The following RGS7 variants were observed in gnomAD, a reference collection of about 807,000 sequenced individuals.
RGS7 encodes regulator of G-protein signaling 7.
RGS7 carries 27 observed loss-of-function variants against 81.1 expected under a neutral mutation model. The observed-to-expected ratio is 0.33, with a 90% CI of 0.25 to 0.46. The LOEUF is 0.46. RGS7 is among the 20% of genes least tolerant of loss of function. The pLI, the probability that RGS7 is intolerant of heterozygous loss-of-function variation, is 1.00. For missense variants in RGS7, 396 were observed against 607.4 expected (o/e 0.65, Z 3.66); for synonymous variants, 208 against 207.7 (o/e 1.00, Z -0.01).
chr1:241,260,324 A>T (rs975886951), intron 2 of RGS7, among the ~76,000 whole-genome samples: 3 of 152,248 alleles, frequency 2.0e-5, no homozygotes, highest in East Asian at 3.8e-4. Flanking sequence ...TGTCGGGCAC[A>T]GTCAAGGCAG....
At chr1:240,800,768 G>A (rs768736641) in intron 17 of RGS7, 47 bp from the exon 18 acceptor site, 2 of 1,206,920 alleles carry the variant, frequency 1.7e-6, no homozygotes. Context: ...CTTACACAAT[G>A]TCAGAAAGTT....
chr1:241,305,222 T>C (rs1167982783), intron 2 of RGS7, among the ~76,000 whole-genome samples: 2 of 152,230 alleles, frequency 1.3e-5, no homozygotes, highest in African/African-American at 4.8e-5. Flanking sequence ...CGCCACTGAT[T>C]AGTTTTCTCT....
chr1:240,993,136 A>C (rs1454453422), intron 3 of RGS7, among the ~76,000 whole-genome samples: 3 of 142,524 alleles, frequency 2.1e-5, no homozygotes, highest in African/African-American at 7.9e-5. Flanking sequence ...GGAAGGAAGG[A>C]GGAAAGGAAA....
At chr1:241,118,540 G>T (rs1489971796) in intron 2 of RGS7, among the ~76,000 whole-genome samples, 1 of 151,972 alleles carries the variant, frequency 6.6e-6, no homozygotes, top group Admixed American at 6.6e-5. Context: ...TCCTACTACT[G>T]GGTATTTACC....
intron 2 of RGS7, among the ~76,000 whole-genome samples, chr1:241,337,276 C>T (rs910674420): frequency 1.3e-5 from 2 of 152,168 alleles, no homozygotes; most frequent in African/African-American, 4.8e-5. Flanking sequence ...TTAGTTCAAA[C>T]ATACTCATTT....
At chr1:240,998,844 A>T in intron 3 of RGS7, 1 of 530,946 alleles carries the variant, frequency 1.9e-6, no homozygotes, top group South Asian at 1.6e-5. Context: ...TGGACCGAGC[A>T]CCTTGGTGGC....
At chr1:241,260,626 T>C (rs984871445) in intron 2 of RGS7, among the ~76,000 whole-genome samples, 1 of 152,164 alleles carries the variant, frequency 6.6e-6, no homozygotes, top group Non-Finnish European at 1.5e-5. Flanking sequence ...CACTGAATCT[T>C]GAACTCACCT....
At chr1:241,345,740 A>C (rs1036593515) in intron 2 of RGS7, among the ~76,000 whole-genome samples, 20 of 152,152 alleles carry the variant, frequency 1.3e-4, no homozygotes, top group Non-Finnish European at 2.9e-5. Context: ...AAAATTTAAT[A>C]CTTAAGGCCA....
intron 2 of RGS7, among the ~76,000 whole-genome samples, chr1:241,306,146 A>ACT (rs1558297214): frequency 1.3e-5 from 2 of 151,280 alleles, no homozygotes; most frequent in African/African-American, 2.4e-5. Context: ...ACACACACAC[A>ACT]CACTCACACA....
At chr1:240,814,444 T>G (rs571430659) in intron 12 of RGS7, among the ~76,000 whole-genome samples, 2 of 152,326 alleles carry the variant, frequency 1.3e-5, no homozygotes, top group South Asian at 4.1e-4. Flanking sequence ...AAGGCTAGAC[T>G]CTGCAGAATT....
At chr1:240,955,499 C>T (rs1285622547) in intron 4 of RGS7, among the ~76,000 whole-genome samples, 1 of 147,306 alleles carries the variant, frequency 6.8e-6, no homozygotes, top group African/African-American at 2.6e-5. Flanking sequence ...TTGCAGTGAG[C>T]CGAGATCATG....
At chr1:241,119,412 C>G (rs1345167171) in intron 2 of RGS7, among the ~76,000 whole-genome samples, 2 of 152,170 alleles carry the variant, frequency 1.3e-5, no homozygotes, top group Non-Finnish European at 2.9e-5. Context: ...ATGAATGATA[C>G]TCTTCTCTGC....
intron 3 of RGS7, among the ~76,000 whole-genome samples, chr1:241,088,050 A>G (rs1370120131): frequency 1.4e-5 from 2 of 140,146 alleles, no homozygotes; most frequent in African/African-American, 6.3e-5. Flanking sequence ...ACACATATAT[A>G]TATATACACA....
intron 10 of RGS7, among the ~76,000 whole-genome samples, chr1:240,826,569 CT>C (rs1343141186): frequency 6.6e-6 from 1 of 152,168 alleles, no homozygotes; most frequent in African/African-American, 2.4e-5. Flanking sequence ...ATAAAAATGC[CT>C]TCTAGTTGTA....
chr1:240,825,933 C>T (rs567375953), intron 10 of RGS7, among the ~76,000 whole-genome samples: 4 of 152,232 alleles, frequency 2.6e-5, no homozygotes, highest in Admixed American at 2.0e-4. Context: ...ACAGGACACC[C>T]AATAAAGTAT....
At chr1:240,961,903 G>C (rs1305908710) in intron 4 of RGS7, among the ~76,000 whole-genome samples, 1 of 152,024 alleles carries the variant, frequency 6.6e-6, no homozygotes, top group African/African-American at 2.4e-5. Context: ...GTAAGGGAGG[G>C]AAGAAGGCAG....
At chr1:241,258,210 T>C (rs976215783) in intron 2 of RGS7, among the ~76,000 whole-genome samples, 7 of 152,094 alleles carry the variant, frequency 4.6e-5, no homozygotes, top group African/African-American at 1.7e-4. Flanking sequence ...TGGAATTAAT[T>C]GCAGCACTTC....
At chr1:241,239,369 G>A (rs2076158490) in intron 2 of RGS7, among the ~76,000 whole-genome samples, 1 of 152,018 alleles carries the variant, frequency 6.6e-6, no homozygotes, top group African/African-American at 2.4e-5. Context: ...TCAGTGTCCT[G>A]GTCCAATGTG....
intron 6 of RGS7, among the ~76,000 whole-genome samples, chr1:240,874,427 G>A (rs1460160716): frequency 6.6e-6 from 1 of 152,028 alleles, no homozygotes; most frequent in Non-Finnish European, 1.5e-5. Context: ...GAGGAAAGGG[G>A]AAGACTGACA....
Sources: gnomAD v4.1 joint callset for allele counts (sites outside exome capture counted in the v4.1 genomes callset) on GRCh38, gnomAD v4.1.1 for gene constraint, MANE v1.5 for transcripts, NCBI Gene and HGNC (gene_info 2026-07-23, HGNC 2026-07-21) for gene names.